Variants in C7 observed in about 807,000 individuals in gnomAD.
C7 encodes the protein complement component C7.
C7 carries 83 observed loss-of-function variants against 104.8 expected under a neutral mutation model. That is an observed-to-expected ratio of 0.79 (90% CI 0.66 to 0.95). C7 has a LOEUF of 0.95. Ranked by LOEUF, C7 falls within the 40% of genes least tolerant of loss-of-function variation. C7 has a pLI of 0.00. For missense variants in C7, 1,070 were observed against 1,011.2 expected (o/e 1.06, Z -0.79); for synonymous variants, 415 against 360.6 (o/e 1.15, Z -1.71).
Position 40,982,549 on chromosome 5 carries a change from C to T in C7, c.*976C>T, listed in dbSNP as rs1337422083. ...TGTCTGAGAACAAATACAATTCAGT[C>T]TTCTCTTTGGGGTTTTAGTATGTGT... On this transcript the variant is annotated 3_prime_UTR_variant, in exon 18 of 18. Transcript: ENST00000313164. The T allele has an allele frequency of 2.0e-5, 3 of 152,346 alleles. No individual in the cohort carries two copies. Among genetic ancestry groups the T allele is most frequent in the African/African-American group, 4.8e-5 (2 of 41,454 alleles). The allele number at this position is 152,346 out of a possible 1,614,324, so 9.4% of individuals were successfully genotyped here. A position where few individuals can be genotyped will look rare whatever the true frequency, so the allele number is the denominator to read the frequency against.
intron 14 of C7, among the ~76,000 whole-genome samples, chr5:40,970,394 CT>C (rs932319545): frequency 2.6e-5 from 4 of 151,438 alleles, no homozygotes; most frequent in Non-Finnish European, 5.9e-5. Flanking sequence ...TTTCTCTGTT[CT>C]TTTTTGAAGT....
chr5:40,974,267 G>T (rs1740765219), intron 15 of C7, among the ~76,000 whole-genome samples: 1 of 151,846 alleles, frequency 6.6e-6, no homozygotes, highest in Non-Finnish European at 1.5e-5. Flanking sequence ...TTTTAAAATA[G>T]CAAAAGCACA....
At chr5:40,932,405 T>C (rs1482301097) in intron 3 of C7, among the ~76,000 whole-genome samples, 3 of 152,306 alleles carry the variant, frequency 2.0e-5, no homozygotes, top group African/African-American at 7.2e-5. Flanking sequence ...AGAAATAAAA[T>C]GTTTATCTTA....
At chr5:40,970,764 C>T (rs564131865) in intron 14 of C7, among the ~76,000 whole-genome samples, 1 of 152,058 alleles carries the variant, frequency 6.6e-6, no homozygotes, top group Non-Finnish European at 1.5e-5. Context: ...CCCTTGCCCC[C>T]CATCCCCTGA....
intron 2 of C7, 110 bp downstream of exon 2, chr5:40,928,745 T>A (rs557914867): frequency 2.4e-5 from 14 of 575,470 alleles, no homozygotes; most frequent in African/African-American, 2.3e-4. Context: ...CCCTCCAACA[T>A]ATTTTCTCTT....
Position 40,949,896 on chromosome 5 carries a change from T to TC in C7, c.983-4dup. ...TTAAACATGTCTCTTTTACATTTTC[T>TC]CCCCTAGATTTTAATTCAGTCGAAG... On this transcript the variant is annotated splice_polypyrimidine_tract_variant and splice_region_variant and intron_variant, in intron 8 of 17. Transcript: ENST00000313164. The TC allele has an allele frequency of 6.6e-7, 1 of 1,513,482 alleles. No homozygotes were observed. The highest frequency in any genetic ancestry group is 9.1e-7 in the Non-Finnish European group (1 of 1,102,556). 93.8% of individuals were successfully genotyped at this position (1,513,482 alleles called of 1,614,324 possible).
chr5:40,934,768 A>T (rs945554431), intron 4 of C7, among the ~76,000 whole-genome samples: 4 of 152,182 alleles, frequency 2.6e-5, no homozygotes, highest in African/African-American at 9.6e-5. Context: ...ATGCAGAGTG[A>T]GTCTTGTACA....
chr5:40,955,247 T>A (rs1289173538), intron 9 of C7, 140 bp from the exon 10 acceptor site: 1 of 703,086 alleles, frequency 1.4e-6, no homozygotes, highest in Non-Finnish European at 2.4e-6. Context: ...CTCTGCCTAT[T>A]CATCCCTCCC....
chr5:40,924,949 G>A (rs1460957869), intron 1 of C7, among the ~76,000 whole-genome samples: 3 of 152,150 alleles, frequency 2.0e-5, no homozygotes, highest in Non-Finnish European at 2.9e-5. Context: ...GATCTCTAAA[G>A]TGCCTTCGGG....
intron 1 of C7, among the ~76,000 whole-genome samples, chr5:40,915,687 A>C (rs1486578478): frequency 1.3e-5 from 2 of 151,718 alleles, no homozygotes; most frequent in African/African-American, 2.4e-5. Flanking sequence ...CCCCCAAATA[A>C]CCTCCCCCAA....
At chr5:40,958,867 T>C (rs568121419) in intron 11 of C7, among the ~76,000 whole-genome samples, 1 of 152,338 alleles carries the variant, frequency 6.6e-6, no homozygotes, top group South Asian at 2.1e-4. Flanking sequence ...TTTGATTCCT[T>C]TCTTTATTCC....
chr5:40,961,058 A>G (rs1473171084), intron 12 of C7, among the ~76,000 whole-genome samples: 5 of 152,180 alleles, frequency 3.3e-5, no homozygotes, highest in African/African-American at 1.2e-4. Context: ...ATGTGCTTTC[A>G]GTTATACACG....
At chr5:40,937,795 G>T in intron 6 of C7, 105 bp downstream of exon 6, 1 of 941,590 alleles carries the variant, frequency 1.1e-6, no homozygotes, top group South Asian at 2.2e-5. Context: ...GGCCTAATGT[G>T]TGGTCAATTT....
At chr5:40,911,740 C>CTTT (rs536500122) in intron 1 of C7, among the ~76,000 whole-genome samples, 3 of 138,642 alleles carry the variant, frequency 2.2e-5, no homozygotes, top group Non-Finnish European at 3.1e-5. Context: ...TTCTTTCTTT[C>CTTT]TTTTTTTTTT....
intron 3 of C7, among the ~76,000 whole-genome samples, chr5:40,931,824 T>A (rs751131872): frequency 3.3e-5 from 5 of 152,240 alleles, no homozygotes; most frequent in Non-Finnish European, 2.9e-5. Flanking sequence ...AGTGGCACGA[T>A]CTTGGCTCAC....
chr5:40,949,956 C>G lies in C7; in HGVS notation c.1035C>G (p.Val345=). 1 of 1,601,098 alleles carries G rather than the reference C, an allele frequency of 6.2e-7. No individual in the cohort carries two copies. Among genetic ancestry groups the G allele is most frequent in the Non-Finnish European group, 8.5e-7 (1 of 1,173,280 alleles). Residue 345 remains valine (V), a synonymous_variant, in exon 9 of 18, where the codon GTC becomes GTG. Transcript: ENST00000313164. ...GTAAATCCTCAGGTTGGCATTTTGT[C>G]GTTAAATTTTCAAGTCATGGATGCA... The part of the protein sequence containing the change: ...KKCKSSGWHF[V]VKFSSHGCKE...
Position 40,972,484 on chromosome 5 carries a change from T to C in C7, c.1964T>C (p.Val655Ala). 6.2e-7 allele frequency: 1 copy of C among 1,613,852 alleles called. No homozygotes were observed. The highest frequency in any genetic ancestry group is 8.5e-7 in the Non-Finnish European group (1 of 1,179,782). The stretch of plus-strand genomic sequence containing the variant: ...CCTTTCTACACAGTTGGTGAGAAGG[T>C]GACTGTTTCCTGTTCAGGTGGCATG... Reference protein sequence around the residue: ...QKPFYTVGEKVTVSCSGGMSL... With the variant: ...QKPFYTVGEKATVSCSGGMSL... The change falls in exon 15 of 18, where the codon GTG becomes GCG. Residue 655 changes from valine to alanine, a missense_variant. By Grantham distance (64) the Val-to-Ala change is moderately conservative. Coordinates refer to ENST00000313164, the MANE Select transcript of C7 (RefSeq NM_000587.4).
chr5:40,977,612 G>A (rs564299943), intron 16 of C7, among the ~76,000 whole-genome samples: 110 of 152,256 alleles, frequency 7.2e-4, no homozygotes, highest in Non-Finnish European at 1.2e-3. Flanking sequence ...TCCCACAGGC[G>A]TGAGCCAGGG....
intron 1 of C7, among the ~76,000 whole-genome samples, chr5:40,915,265 CT>C (rs1739295770): frequency 6.6e-6 from 1 of 152,180 alleles, no homozygotes; most frequent in African/African-American, 2.4e-5. Context: ...ACTCTTGTCT[CT>C]CTCATTCCTG....
Sources: gnomAD v4.1 joint callset for allele counts (sites outside exome capture counted in the v4.1 genomes callset) on GRCh38, gnomAD v4.1.1 for gene constraint, MANE v1.5 for transcripts, NCBI Gene and HGNC (gene_info 2026-07-23, HGNC 2026-07-21) for gene names.